Variants in EEF1AKMT4 observed in about 807,000 individuals in gnomAD.
The protein encoded by EEF1AKMT4 is EEF1A lysine methyltransferase 4.
In EEF1AKMT4, 17 loss-of-function variants were observed where a neutral mutation model predicts 23.0. The ratio of observed to expected loss-of-function variants is 0.74; its 90% confidence interval spans 0.51 to 1.11. The LOEUF is 1.11. Among genes scored for constraint, EEF1AKMT4 ranks in the 50% least tolerant of loss-of-function variants. The probability of loss-of-function intolerance (pLI) is 0.00; values close to 1 mark genes in which losing one functional copy is unlikely to be tolerated. For missense variants in EEF1AKMT4, 318 were observed against 333.4 expected, an observed-to-expected ratio of 0.95 and a Z score of 0.36; for synonymous variants, 140 against 141.4, an observed-to-expected ratio of 0.99 and a Z score of 0.07.
At position 184,257,735 on chromosome 3, in the gene EEF1AKMT4, T is replaced by G; in HGVS notation, c.459T>G (p.Thr153=). The G allele has an allele frequency of 6.2e-7, 1 of 1,613,314 alleles. No individual in the cohort carries two copies. The highest frequency in any genetic ancestry group is 8.5e-7 in the Non-Finnish European group (1 of 1,179,600). ...CCGTGTCCTCTGAAGGTGTCCACAC[T>G]GTGGACCAGGTGTTGAGTGAGGTGA... ...PWTVSSEGVH[T]VDQVLSEVSR... The change falls in exon 2 of 3, where the codon ACT becomes ACG. Residue 153 remains threonine, a synonymous_variant. Transcript: ENST00000324557.
chr3:184,257,209 C>CAA (rs751755981), intron 1 of EEF1AKMT4, among the ~76,000 whole-genome samples: 1,242 of 69,378 alleles, frequency 0.018, 29 homozygotes, highest in East Asian at 0.12. Context: ...GAATTCATCT[C>CAA]AAAAAAAAAA....
chr3:184,254,539 C>CT (rs1467844173), intron 1 of EEF1AKMT4, among the ~76,000 whole-genome samples: 3 of 129,492 alleles, frequency 2.3e-5, no homozygotes, highest in Non-Finnish European at 4.9e-5. Flanking sequence ...CCCGTCTCTA[C>CT]TAAAAAAAAA....
At chr3:184,257,319 C>T (rs575350049) in intron 1 of EEF1AKMT4, among the ~76,000 whole-genome samples, 154 bp from the exon 2 acceptor site, 1 of 152,126 alleles carries the variant, frequency 6.6e-6, no homozygotes, top group Non-Finnish European at 1.5e-5. Flanking sequence ...TGTGCGATTC[C>T]AAGGCTTGTG....
intron 1 of EEF1AKMT4, among the ~76,000 whole-genome samples, chr3:184,253,821 C>G (rs942907261): frequency 1.3e-5 from 2 of 151,996 alleles, no homozygotes; most frequent in Non-Finnish European, 2.9e-5. Flanking sequence ...AGGCGCCCAC[C>G]ACCACACCTG....
At chr3:184,250,473 T>TGG (rs1468338630) in intron 1 of EEF1AKMT4, among the ~76,000 whole-genome samples, 1 of 152,186 alleles carries the variant, frequency 6.6e-6, no homozygotes, top group Non-Finnish European at 1.5e-5. Context: ...CCCAGGGTGA[T>TGG]ACGATTCCCC....
Position 184,257,576 on chromosome 3 carries a change from C to T in EEF1AKMT4, c.300C>T (p.Arg100=). The T allele has an allele frequency of 6.2e-7, 1 of 1,614,166 alleles. No homozygotes were observed. Among genetic ancestry groups the T allele is most frequent in the Non-Finnish European group, 8.5e-7 (1 of 1,180,036 alleles). The change falls in exon 2 of 3, where the codon CGC becomes CGT. Residue 100 remains arginine (R), a synonymous_variant. Coordinates refer to ENST00000324557, the MANE Select transcript of EEF1AKMT4 (RefSeq NM_032331.4). ...SSVVVAAMQA[R]HAHVPQLRWE... is the part of the protein sequence containing the mutation. ...TCGTGGTGGCTGCCATGCAGGCTCG[C>T]CATGCCCATGTGCCGCAGCTGCGCT...
chr3:184,254,282 G>GT (rs1256295501), intron 1 of EEF1AKMT4, among the ~76,000 whole-genome samples: 1 of 151,572 alleles, frequency 6.6e-6, no homozygotes, highest in Non-Finnish European at 1.5e-5. Context: ...GAATCTTCTT[G>GT]TTTTTTTAGA....
intron 1 of EEF1AKMT4, among the ~76,000 whole-genome samples, chr3:184,257,260 C>T (rs1719849716): frequency 6.6e-6 from 1 of 151,586 alleles, no homozygotes. Context: ...AACAACTTGT[C>T]CCAGCCCACA....
chr3:184,251,303 C>G (rs914112777), intron 1 of EEF1AKMT4, among the ~76,000 whole-genome samples: 8 of 151,936 alleles, frequency 5.3e-5, no homozygotes, highest in African/African-American at 1.9e-4. Flanking sequence ...GAGACCAAGG[C>G]GGGTGGATCA....
In EEF1AKMT4 at chr3:184,253,210, G is replaced by A. The variant is rs73887421; in HGVS notation, c.196+3320G>A. 2.4e-3 allele frequency among the ~76,000 whole-genome samples: 373 copies of A among 152,252 alleles called. 1 individual carries two copies. The highest frequency in any genetic ancestry group is 8.6e-3 in the African/African-American group (359 of 41,532). On this transcript the variant is annotated intron_variant, in intron 1 of 2. Coordinates refer to ENST00000324557, the MANE Select transcript of EEF1AKMT4 (RefSeq NM_032331.4). ...CCTGAAGGTAGTTTCAGCCTGAAGA[G>A]TCACAGATGTACACCATTAGAAGCA...
rs745418202 is a variant in EEF1AKMT4, at chr3:184,258,685, G to C, written c.*110G>C. On this transcript the variant is annotated 3_prime_UTR_variant, in exon 3 of 3. Transcript: ENST00000324557. Reference sequence around the variant, plus strand: ...TGGGTCCAAGGTGCTTACATCCCAGGGGCCTCATGCCTAAGATAGAGGGTG... The same window carrying C: ...TGGGTCCAAGGTGCTTACATCCCAGCGGCCTCATGCCTAAGATAGAGGGTG... 2.9e-5 allele frequency: 43 copies of C among 1,482,724 alleles called. No individual in the cohort carries two copies. Among genetic ancestry groups the C allele is most frequent in the Admixed American group, 1.4e-4 (6 of 41,672 alleles). 91.8% of individuals were successfully genotyped at this position (1,482,724 alleles called of 1,614,324 possible). A position where few individuals can be genotyped will look rare whatever the true frequency, so the allele number is the denominator to read the frequency against.
At chr3:184,251,194 C>T (rs1719535972) in intron 1 of EEF1AKMT4, among the ~76,000 whole-genome samples, 1 of 152,052 alleles carries the variant, frequency 6.6e-6, no homozygotes, top group South Asian at 2.1e-4. Flanking sequence ...CACTTGATCG[C>T]AGGAGCTCAA....
chr3:184,257,510 C>T lies in EEF1AKMT4; in HGVS notation c.234C>T (p.Leu78=), dbSNP rs781669082. 2.8e-5 allele frequency: 45 copies of T among 1,611,434 alleles called. No homozygotes were observed. The highest frequency in any genetic ancestry group is 6.7e-5 in the East Asian group (3 of 44,830). Residue 78 remains leucine (L), a synonymous_variant, in exon 2 of 3, where the codon CTC becomes CTT. Transcript: ENST00000324557. ...GTGCCCTGAGCTACGAGCTGTTCCT[C>T]GGAGGCTTCCCTAATGTGACCAGTG... ...GNSALSYELF[L]GGFPNVTSVD...
rs1719878298 is a variant in EEF1AKMT4 at position 184,257,727 on chromosome 3, G to C, written c.451G>C (p.Val151Leu). The C allele has an allele frequency of 6.2e-7, 1 of 1,613,618 alleles. No individual in the cohort carries two copies. Among genetic ancestry groups the C allele is most frequent in the African/African-American group, 1.3e-5 (1 of 74,944 alleles). ...TCCCTGGACCGTGTCCTCTGAAGGT[G>C]TCCACACTGTGGACCAGGTGTTGAG... Reference protein sequence around the residue: ...RDPWTVSSEGVHTVDQVLSEV... With the variant: ...RDPWTVSSEGLHTVDQVLSEV... Residue 151 changes from valine to leucine, a missense_variant, in exon 2 of 3, where the codon GTC (valine) becomes CTC (leucine). Physicochemically the swap from Val to Leu is conservative, Grantham distance 32. Coordinates refer to ENST00000324557, the MANE Select transcript of EEF1AKMT4 (RefSeq NM_032331.4).
chr3:184,255,701 C>A (rs560217146), intron 1 of EEF1AKMT4, among the ~76,000 whole-genome samples: 1 of 152,202 alleles, frequency 6.6e-6, no homozygotes, highest in South Asian at 2.1e-4. Flanking sequence ...GACCCTACCC[C>A]CTTTGGGACT....
chr3:184,256,496 T>C (rs1310103497), intron 1 of EEF1AKMT4, among the ~76,000 whole-genome samples: 3 of 152,078 alleles, frequency 2.0e-5, no homozygotes, highest in African/African-American at 7.2e-5. Context: ...ATTATGCTAC[T>C]GATAATATTA....
chr3:184,257,410 T>G (rs1719856714), intron 1 of EEF1AKMT4, 63 bp from the exon 2 acceptor site: 2 of 1,509,026 alleles, frequency 1.3e-6, no homozygotes, highest in African/African-American at 2.8e-5. Flanking sequence ...GGATGGATAT[T>G]CAGGGGGAGG....
At chr3:184,257,783 A>G (rs1719880940) in intron 2 of EEF1AKMT4, 27 bp downstream of exon 2, 1 of 1,592,664 alleles carries the variant, frequency 6.3e-7, no homozygotes, top group Non-Finnish European at 8.6e-7. Flanking sequence ...AGAGGAAAGC[A>G]GATCAATAGG....
intron 1 of EEF1AKMT4, among the ~76,000 whole-genome samples, chr3:184,250,494 G>T (rs1719486608): frequency 6.6e-6 from 1 of 152,192 alleles, no homozygotes; most frequent in Admixed American, 6.5e-5. Context: ...AAAGGGAGAC[G>T]TGCTGGAGGA....
Sources: allele counts gnomAD v4.1 joint callset (sites outside exome capture counted in the v4.1 genomes callset), GRCh38; gene constraint gnomAD v4.1.1; transcripts MANE v1.5; gene names NCBI Gene and HGNC (gene_info 2026-07-23, HGNC 2026-07-21).